FNIP1: variants seen among roughly 807,000 people sequenced by gnomAD.
FNIP1 encodes folliculin interacting protein 1.
Under a neutral mutation model 124.5 loss-of-function variants are expected in FNIP1, and 40 were observed. The ratio of observed to expected loss-of-function variants is 0.32; its 90% CI spans 0.25 to 0.42. FNIP1 has a LOEUF of 0.42. FNIP1 is among the 10% of genes least tolerant of loss of function. The pLI, the probability that FNIP1 is intolerant of heterozygous loss-of-function variation, is 1.00. For synonymous variants in FNIP1, 472 were observed against 470.6 expected, an observed-to-expected ratio of 1.00 and a Z score of -0.04; for missense variants, 1,176 against 1,403.7, an observed-to-expected ratio of 0.84 and a Z score of 2.59.
At chr5:131,645,089 T>G (rs1580721769) in intron 17 of FNIP1, among the ~76,000 whole-genome samples, 1 of 152,064 alleles carries the variant, frequency 6.6e-6, no homozygotes, top group South Asian at 2.1e-4. Flanking sequence ...GGAGGCCTAG[T>G]TGGGAGGATC....
At chr5:131,767,452 A>G (rs1009455912) in intron 1 of FNIP1, among the ~76,000 whole-genome samples, 20 of 147,354 alleles carry the variant, frequency 1.4e-4, no homozygotes, top group East Asian at 5.9e-4. Flanking sequence ...AAAAAAAAAA[A>G]AAAAGAAAAG....
intron 1 of FNIP1, among the ~76,000 whole-genome samples, chr5:131,759,044 G>A (rs915337981): frequency 4.6e-5 from 7 of 151,938 alleles, no homozygotes; most frequent in African/African-American, 1.7e-4. Context: ...AAGGTGCTGG[G>A]ATAACTGGCT....
At chr5:131,767,824 A>G (rs1213967241) in intron 1 of FNIP1, among the ~76,000 whole-genome samples, 2 of 152,348 alleles carry the variant, frequency 1.3e-5, no homozygotes, top group African/African-American at 4.8e-5. Flanking sequence ...TTATCAATTT[A>G]GGACTTATTT....
At position 131,641,994 on chromosome 5, in the gene FNIP1, TCAAAATTAAGACATATTAATA is replaced by T. The variant is rs1766732106; in HGVS notation, c.*2670_*2690del. 1 of 152,694 alleles carries T rather than the reference TCAAAATTAAGACATATTAATA, an allele frequency of 6.5e-6. No homozygotes were observed. Among genetic ancestry groups the T allele is most frequent in the African/African-American group, 2.4e-5 (1 of 41,440 alleles). The allele number at this position is 152,694 out of a possible 1,614,324, so 9.5% of individuals were successfully genotyped here. ...TTTATTGCACTTAACATTTTCAAAC[TCAAAATTAAGACATATTAATA>T]AAAGCCAGAAATATTTAAAATCAAA... is the stretch of plus-strand genomic sequence containing the variant. On this transcript the variant is annotated 3_prime_UTR_variant, in exon 18 of 18. Coordinates refer to ENST00000510461, the MANE Select transcript of FNIP1 (RefSeq NM_133372.3).
intron 11 of FNIP1, among the ~76,000 whole-genome samples, chr5:131,693,317 C>T (rs2546869): frequency 0.54 from 21,750 of 40,122 alleles, 5,123 homozygotes; most frequent in Non-Finnish European, 0.63. Flanking sequence ...TATATATATA[C>T]ACATATATAT....
intron 3 of FNIP1, 94 bp from the exon 4 acceptor site, chr5:131,719,511 T>C (rs970558202): frequency 4.4e-6 from 5 of 1,129,230 alleles, no homozygotes; most frequent in Non-Finnish European, 6.3e-6. Flanking sequence ...GATATAGTTA[T>C]TCTACATTAA....
chr5:131,796,771 C>G, intron 1 of FNIP1, 59 bp downstream of exon 1: 4 of 1,494,264 alleles, frequency 2.7e-6, no homozygotes, highest in Non-Finnish European at 3.6e-6. Flanking sequence ...CCCAACACCC[C>G]TGGAGCCCGG....
chr5:131,766,472 A>G (rs1367419888), intron 1 of FNIP1, among the ~76,000 whole-genome samples: 1 of 152,244 alleles, frequency 6.6e-6, no homozygotes, highest in Non-Finnish European at 1.5e-5. Context: ...TAAGTTATTT[A>G]GCCAGGAAGC....
At chr5:131,652,834 T>G (rs1331827262) in intron 15 of FNIP1, among the ~76,000 whole-genome samples, 1 of 151,968 alleles carries the variant, frequency 6.6e-6, no homozygotes, top group Non-Finnish European at 1.5e-5. Context: ...AATGGTGGCA[T>G]GCACCTGTGA....
intron 14 of FNIP1, 49 bp downstream of exon 14, chr5:131,671,451 GAGAAT>G: frequency 7.4e-7 from 1 of 1,358,860 alleles, no homozygotes; most frequent in Non-Finnish European, 1.0e-6. Context: ...AGCTAAAAAA[GAGAAT>G]GGTACATATT....
At chr5:131,741,089 T>C (rs969051417) in intron 2 of FNIP1, among the ~76,000 whole-genome samples, 2 of 151,996 alleles carry the variant, frequency 1.3e-5, no homozygotes, top group East Asian at 1.9e-4. Context: ...GCCTATGGAG[T>C]TGCCATTCTT....
chr5:131,760,951 G>A (rs78299578), intron 1 of FNIP1, among the ~76,000 whole-genome samples: 172 of 152,166 alleles, frequency 1.1e-3, no homozygotes, highest in Non-Finnish European at 2.0e-3. Context: ...GCTAAATTAC[G>A]CGGCAAGAGC....
chr5:131,649,634 A>C (rs182842452), intron 16 of FNIP1, among the ~76,000 whole-genome samples: 395 of 152,304 alleles, frequency 2.6e-3, no homozygotes, highest in Non-Finnish European at 4.6e-3. Context: ...CTAATAAACA[A>C]AAGTTTTTAA....
intron 1 of FNIP1, among the ~76,000 whole-genome samples, chr5:131,788,303 G>A (rs1306577217): frequency 1.3e-5 from 2 of 152,154 alleles, no homozygotes; most frequent in African/African-American, 4.8e-5. Flanking sequence ...GTTATCTTAT[G>A]TTTTACATGG....
chr5:131,761,318 A>T (rs1346672787), intron 1 of FNIP1, among the ~76,000 whole-genome samples: 2 of 152,176 alleles, frequency 1.3e-5, no homozygotes, highest in African/African-American at 2.4e-5. Flanking sequence ...CAAATTGGAA[A>T]GGAAGAAGTC....
At chr5:131,679,244 G>A (rs1053415836) in intron 11 of FNIP1, 69 bp from the exon 12 acceptor site, 3 of 928,974 alleles carry the variant, frequency 3.2e-6, no homozygotes, top group Non-Finnish European at 5.1e-6. Context: ...ATAATTTTAA[G>A]TTTATATTGC....
At chr5:131,653,902 C>G (rs868272853) in intron 15 of FNIP1, among the ~76,000 whole-genome samples, 1 of 152,078 alleles carries the variant, frequency 6.6e-6, no homozygotes, top group East Asian at 1.9e-4. Context: ...CCACCACGCC[C>G]GGCTAATTTT....
intron 1 of FNIP1, among the ~76,000 whole-genome samples, chr5:131,789,194 A>G (rs1772317355): frequency 6.6e-6 from 1 of 152,202 alleles, no homozygotes; most frequent in Non-Finnish European, 1.5e-5. Context: ...CCTCACTCAC[A>G]TTTAGAAACT....
At chr5:131,739,540 G>A (rs780007058) in intron 2 of FNIP1, among the ~76,000 whole-genome samples, 3 of 152,112 alleles carry the variant, frequency 2.0e-5, no homozygotes, top group Non-Finnish European at 2.9e-5. Context: ...TTGGCCAGGC[G>A]TGGTGGCTCA....
Sources: allele counts gnomAD v4.1 joint callset (sites outside exome capture counted in the v4.1 genomes callset), GRCh38; gene constraint gnomAD v4.1.1; transcripts MANE v1.5; gene names NCBI Gene and HGNC (gene_info 2026-07-23, HGNC 2026-07-21).